The following MACROD2 variants were observed in gnomAD, a reference collection of about 807,000 sequenced individuals.
MACROD2 encodes the protein ADP-ribose glycohydrolase MACROD2.
In MACROD2, 36 loss-of-function variants were observed where a neutral mutation model predicts 70.4. The observed-to-expected ratio is 0.51, with a 90% CI of 0.39 to 0.68. The LOEUF is 0.68. Among genes scored for constraint, MACROD2 ranks in the 30% least tolerant of loss-of-function variants. MACROD2 has a pLI of 0.00. For missense variants in MACROD2, 496 were observed against 538.4 expected, an observed-to-expected ratio of 0.92 and a Z score of 0.78; for synonymous variants, 172 against 178.8, an observed-to-expected ratio of 0.96 and a Z score of 0.30.
In MACROD2 at chr20:15,993,487, A is replaced by C. The variant is rs146206984; in HGVS notation, c.1153+6329A>C. On this transcript the variant is annotated intron_variant, in intron 15 of 17. Transcript: ENST00000684519. ...GTTTATAACCTAAGAGCAATAGACT[A>C]CACCATATAACCTTGGTATGTAGTA... 1.8e-4 allele frequency among the ~76,000 whole-genome samples: 28 copies of C among 152,304 alleles called. 1 individual carries two copies. In the East Asian group the frequency reaches 5.4e-3, roughly 29 times the overall value.
chr20:14,595,004 T>C (rs1982028841), intron 4 of MACROD2, among the ~76,000 whole-genome samples: 1 of 152,292 alleles, frequency 6.6e-6, no homozygotes, highest in Non-Finnish European at 1.5e-5. Flanking sequence ...CTGGTATAAA[T>C]ATATACATAG....
At chr20:14,195,561 T>G (rs1470215365) in intron 3 of MACROD2, among the ~76,000 whole-genome samples, 1 of 151,980 alleles carries the variant, frequency 6.6e-6, no homozygotes, top group Non-Finnish European at 1.5e-5. Flanking sequence ...GCCCGCATCC[T>G]GTGCCTATAA....
At chr20:14,792,338 T>A (rs2072460459) in intron 5 of MACROD2, among the ~76,000 whole-genome samples, 1 of 152,094 alleles carries the variant, frequency 6.6e-6, no homozygotes, top group Non-Finnish European at 1.5e-5. Context: ...CTGAATCCAT[T>A]TCTCTCTCCT....
intron 5 of MACROD2, among the ~76,000 whole-genome samples, chr20:14,989,900 G>A (rs1022390396): frequency 1.3e-5 from 2 of 152,050 alleles, no homozygotes; most frequent in African/African-American, 2.4e-5. Context: ...AATTTTCTAT[G>A]TTCCTACAAT....
intron 3 of MACROD2, among the ~76,000 whole-genome samples, chr20:14,339,291 A>T (rs535767268): frequency 7.2e-5 from 11 of 152,296 alleles, no homozygotes; most frequent in South Asian, 4.1e-4. Flanking sequence ...TTAGATTCTA[A>T]TGTCCATTGA....
At chr20:14,970,788 C>T (rs193129937) in intron 5 of MACROD2, among the ~76,000 whole-genome samples, 8 of 152,138 alleles carry the variant, frequency 5.3e-5, no homozygotes, top group East Asian at 1.9e-4. Context: ...GTAGCTGGAA[C>T]GACAGGTGCA....
At chr20:14,116,025 T>C (rs371350444) in intron 3 of MACROD2, among the ~76,000 whole-genome samples, 19 of 152,270 alleles carry the variant, frequency 1.2e-4, no homozygotes, top group East Asian at 7.7e-4. Flanking sequence ...TGTGATAGAA[T>C]TGATGTAATT....
chr20:14,301,267 A>AT (rs2082472935), intron 3 of MACROD2, among the ~76,000 whole-genome samples: 1 of 152,184 alleles, frequency 6.6e-6, no homozygotes, highest in African/African-American at 2.4e-5. Flanking sequence ...TATACTTTAT[A>AT]TTTTTAAAAA....
intron 2 of MACROD2, among the ~76,000 whole-genome samples, chr20:14,005,775 A>AT (rs763794399): frequency 7.2e-5 from 11 of 151,964 alleles, no homozygotes; most frequent in Middle Eastern, 3.4e-3. Context: ...TAATTTTTGT[A>AT]TTTTTTGTGG....
Position 15,233,021 on chromosome 20 carries a change from C to T in MACROD2, c.540+2960C>T, listed in dbSNP as rs779045534. Among the ~76,000 whole-genome samples, 3 of 152,026 alleles carry T rather than the reference C, an allele frequency of 2.0e-5. No individual in the cohort carries two copies. The South Asian group carries it at 6.3e-4, about 32-fold the overall frequency. On this transcript the variant is annotated intron_variant, in intron 6 of 17. Coordinates refer to ENST00000684519, the MANE Select transcript of MACROD2 (RefSeq NM_001351661.2). ...AGAGGATCTAGTGGTTGTTTTCTAA[C>T]AAAATGTGACTCCATCTTATGACCA...
intron 8 of MACROD2, among the ~76,000 whole-genome samples, chr20:15,841,274 C>T (rs2064167006): frequency 6.6e-6 from 1 of 152,144 alleles, no homozygotes; most frequent in South Asian, 2.1e-4. Context: ...TTTCAGGCAT[C>T]AGCATCTAAT....
intron 3 of MACROD2, among the ~76,000 whole-genome samples, chr20:14,384,526 C>T (rs990455673): frequency 6.6e-6 from 1 of 151,600 alleles, no homozygotes; most frequent in Non-Finnish European, 1.5e-5. Context: ...AAGGCTATTG[C>T]CAATCTACAT....
intron 5 of MACROD2, among the ~76,000 whole-genome samples, chr20:14,904,691 G>A (rs1189368718): frequency 2.0e-5 from 3 of 152,070 alleles, no homozygotes; most frequent in Non-Finnish European, 4.4e-5. Flanking sequence ...ACCTCATTAA[G>A]CCTCAGTTAT....
intron 12 of MACROD2, among the ~76,000 whole-genome samples, chr20:15,955,321 T>C (rs956359018): frequency 6.6e-6 from 1 of 152,116 alleles, no homozygotes; most frequent in African/African-American, 2.4e-5. Context: ...GACTAAGAAA[T>C]TTAGGTCCAA....
At chr20:16,009,878 G>A (rs1485857058) in intron 15 of MACROD2, among the ~76,000 whole-genome samples, 1 of 152,176 alleles carries the variant, frequency 6.6e-6, no homozygotes. Flanking sequence ...CCCCAAAGGA[G>A]CCACATTCTC....
intron 4 of MACROD2, among the ~76,000 whole-genome samples, chr20:14,673,124 T>C (rs2070814838): frequency 6.6e-6 from 1 of 152,234 alleles, no homozygotes; most frequent in South Asian, 2.1e-4. Flanking sequence ...CAGTTAATAT[T>C]GCTTGCTTTC....
intron 4 of MACROD2, among the ~76,000 whole-genome samples, chr20:14,584,375 G>A (rs1357042180): frequency 2.0e-5 from 3 of 152,078 alleles, no homozygotes; most frequent in Non-Finnish European, 4.4e-5. Flanking sequence ...AAATACCATC[G>A]ACTGGGTAGC....
intron 5 of MACROD2, among the ~76,000 whole-genome samples, chr20:15,113,092 T>C (rs1247912649): frequency 1.3e-5 from 2 of 152,198 alleles, no homozygotes; most frequent in Non-Finnish European, 2.9e-5. Flanking sequence ...TGTACAGATA[T>C]CTGTTTGAGC....
chr20:15,247,191 T>C (rs1341665700), intron 6 of MACROD2, among the ~76,000 whole-genome samples: 1 of 152,228 alleles, frequency 6.6e-6, no homozygotes, highest in Non-Finnish European at 1.5e-5. Context: ...TTTATGGTAT[T>C]TGAATTATAT....
Sources: gnomAD v4.1 joint callset for allele counts (sites outside exome capture counted in the v4.1 genomes callset) on GRCh38, gnomAD v4.1.1 for gene constraint, MANE v1.5 for transcripts, NCBI Gene and HGNC (gene_info 2026-07-23, HGNC 2026-07-21) for gene names.